Variants in CTNNA2 observed in about 807,000 individuals in gnomAD.
CTNNA2 encodes the protein catenin alpha-2.
Under a neutral mutation model 101.0 loss-of-function variants are expected in CTNNA2, and 42 were observed. That is an observed-to-expected ratio of 0.42 (90% CI 0.32 to 0.54). CTNNA2 has a LOEUF of 0.54. Ranked by LOEUF, CTNNA2 falls within the 20% of genes least tolerant of loss-of-function variation. The probability of loss-of-function intolerance (pLI) is 0.14; values close to 1 mark genes in which losing one functional copy is unlikely to be tolerated. For missense variants in CTNNA2, 871 were observed against 1,223.1 expected, an observed-to-expected ratio of 0.71 and a Z score of 4.29; for synonymous variants, 450 against 456.4, an observed-to-expected ratio of 0.99 and a Z score of 0.18.
chr2:79,351,383 A>T (rs1394697967), intron 3 of CTNNA2, among the ~76,000 whole-genome samples: 1 of 152,128 alleles, frequency 6.6e-6, no homozygotes, highest in Non-Finnish European at 1.5e-5. Flanking sequence ...ATTTTTCCCA[A>T]TACCATTTAG....
At chr2:80,239,447 T>C (rs1709723805) in intron 7 of CTNNA2, among the ~76,000 whole-genome samples, 1 of 152,158 alleles carries the variant, frequency 6.6e-6, no homozygotes, top group South Asian at 2.1e-4. Context: ...TTGAAGCAAA[T>C]ACAATAGCCC....
chr2:80,215,536 C>T (rs534539763), intron 7 of CTNNA2, among the ~76,000 whole-genome samples: 3 of 152,320 alleles, frequency 2.0e-5, no homozygotes, highest in African/African-American at 7.2e-5. Context: ...ACTCCAGACG[C>T]TGTTTGCCTG....
At chr2:80,208,227 A>C (rs890381062) in intron 7 of CTNNA2, among the ~76,000 whole-genome samples, 1 of 152,192 alleles carries the variant, frequency 6.6e-6, no homozygotes, top group Non-Finnish European at 1.5e-5. Context: ...ACTTCTTTTC[A>C]TATGTGCTTT....
intron 1 of CTNNA2, among the ~76,000 whole-genome samples, chr2:79,630,262 A>C (rs1679600454): frequency 6.6e-6 from 1 of 152,184 alleles, no homozygotes; most frequent in African/African-American, 2.4e-5. Flanking sequence ...GGGGACTGTG[A>C]GTCACAGATT....
At chr2:79,551,456 C>G (rs1674094656) in intron 1 of CTNNA2, among the ~76,000 whole-genome samples, 2 of 152,114 alleles carry the variant, frequency 1.3e-5, no homozygotes, top group Non-Finnish European at 2.9e-5. Flanking sequence ...AATGCAGAGT[C>G]AAGCAAGCAG....
chr2:79,780,021 T>A (rs1220121653), intron 3 of CTNNA2, among the ~76,000 whole-genome samples: 1 of 152,172 alleles, frequency 6.6e-6, no homozygotes, highest in African/African-American at 2.4e-5. Flanking sequence ...CCTGGAGGCT[T>A]CATCTGCATC....
intron 7 of CTNNA2, among the ~76,000 whole-genome samples, chr2:79,928,630 G>A (rs572562107): frequency 6.6e-6 from 1 of 152,314 alleles, no homozygotes; most frequent in South Asian, 2.1e-4. Flanking sequence ...GAAAACCAAT[G>A]TGTCTGCCCA....
intron 7 of CTNNA2, among the ~76,000 whole-genome samples, chr2:79,958,866 CTGTT>C (rs1689431146): frequency 1.3e-5 from 2 of 151,674 alleles, no homozygotes; most frequent in East Asian, 3.9e-4. Context: ...GATTAAGTGT[CTGTT>C]GAGGATTCAT....
At chr2:80,453,907 C>T (rs574569479) in intron 9 of CTNNA2, among the ~76,000 whole-genome samples, 37 of 152,180 alleles carry the variant, frequency 2.4e-4, no homozygotes, top group African/African-American at 8.7e-4. Flanking sequence ...TACCAGCTGT[C>T]CTAGCTGCTG....
At chr2:80,087,706 T>C (rs1699537217) in intron 7 of CTNNA2, among the ~76,000 whole-genome samples, 1 of 152,060 alleles carries the variant, frequency 6.6e-6, no homozygotes, top group Non-Finnish European at 1.5e-5. Flanking sequence ...GCAGATTTTA[T>C]TCAGTACGTC....
At chr2:80,547,724 T>C (rs1402284839) in intron 11 of CTNNA2, among the ~76,000 whole-genome samples, 1 of 149,436 alleles carries the variant, frequency 6.7e-6, no homozygotes, top group African/African-American at 2.5e-5. Context: ...AGTTTCACTC[T>C]TGTTGCCCAG....
chr2:80,318,507 A>T (rs749592572), intron 7 of CTNNA2, among the ~76,000 whole-genome samples: 4 of 152,086 alleles, frequency 2.6e-5, no homozygotes, highest in Non-Finnish European at 5.9e-5. Context: ...AAAGAGTGGG[A>T]GTTGGGTTTG....
At chr2:79,512,272 G>A (rs950250183), upstream of CTNNA2, among the ~76,000 whole-genome samples, 3 of 152,144 alleles carry the variant, frequency 2.0e-5, no homozygotes, top group African/African-American at 4.8e-5. Context: ...CAAACTAGGA[G>A]CCAAGTAATA....
chr2:80,646,654 T>C (rs1423476302), intron 18 of CTNNA2, among the ~76,000 whole-genome samples: 2 of 151,926 alleles, frequency 1.3e-5, no homozygotes, highest in African/African-American at 4.8e-5. Flanking sequence ...TGATCTAGTA[T>C]ACAGTACATA....
chr2:80,377,562 G>A (rs1313074672), intron 7 of CTNNA2, among the ~76,000 whole-genome samples: 1 of 152,216 alleles, frequency 6.6e-6, no homozygotes, highest in Non-Finnish European at 1.5e-5. Context: ...TGGAAGGAAA[G>A]GAAGGCATGT....
intron 3 of CTNNA2, among the ~76,000 whole-genome samples, chr2:79,799,427 G>A (rs1195197699): frequency 1.3e-5 from 2 of 151,884 alleles, no homozygotes; most frequent in Non-Finnish European, 2.9e-5. Context: ...GAGGGTTTTT[G>A]TTTTTTCTGC....
At chr2:79,537,962 C>T (rs1001428224) in intron 1 of CTNNA2, among the ~76,000 whole-genome samples, 4 of 151,898 alleles carry the variant, frequency 2.6e-5, no homozygotes, top group Admixed American at 6.6e-5. Flanking sequence ...CTTCATTTAG[C>T]GAATATGAAC....
intron 3 of CTNNA2, among the ~76,000 whole-genome samples, chr2:79,372,214 G>T (rs892961537): frequency 2.0e-5 from 3 of 152,062 alleles, no homozygotes; most frequent in Non-Finnish European, 4.4e-5. Context: ...TATACTGAGT[G>T]CCTACACCTG....
Position 80,619,163 on chromosome 2 carries a change from T to G in CTNNA2, c.2509T>G (p.Ser837Ala), listed in dbSNP as rs982881201. The change falls in exon 18 of 19, where the codon TCT (serine) becomes GCT (alanine). Residue 837 changes from serine to alanine, a missense_variant. Physicochemically the swap from Ser to Ala is moderately conservative, Grantham distance 99 (BLOSUM62 1). Coordinates refer to ENST00000402739, the MANE Select transcript of CTNNA2 (RefSeq NM_001282597.3). Reference protein sequence around the residue: ...VIDGGRASQLSTHLPTCAEGA... With the variant: ...VIDGGRASQLATHLPTCAEGA... ...AGATGGGGGCAGGGCTAGTCAACTT[T>G]CTACCCACCTCCCAACCTGTGCTGA... is the stretch of plus-strand genomic sequence containing the variant. 1.3e-6 allele frequency: 2 copies of G among 1,577,762 alleles called. No individual in the cohort carries two copies. The highest frequency in any genetic ancestry group is 2.7e-5 in the African/African-American group (2 of 74,088).
Sources: gnomAD v4.1 joint callset for allele counts (sites outside exome capture counted in the v4.1 genomes callset) on GRCh38, gnomAD v4.1.1 for gene constraint, MANE v1.5 for transcripts, NCBI Gene and HGNC (gene_info 2026-07-23, HGNC 2026-07-21) for gene names.